DCAF8L2: variants seen among roughly 807,000 people sequenced by gnomAD.
DCAF8L2 encodes the protein DDB1- and CUL4-associated factor 8-like protein 2.
For synonymous variants in DCAF8L2, 200 were observed against 190.9 expected (o/e 1.05, Z -0.39); for missense variants, 430 against 490.7 (o/e 0.88, Z 1.17).
chrX:27,495,959 A>G, the DCAF8L2 span, among the ~76,000 whole-genome samples: 1 of 111,469 alleles, frequency 9.0e-6, no homozygotes, highest in Admixed American at 9.6e-5. Flanking sequence ...TCATTTGCAT[A>G]ATAGCTTTTC....
rs143637573 is a variant in DCAF8L2 at position 27,651,831 on chromosome X, A to G, written c.-220+19831A>G. On this transcript the variant is annotated intron_variant, in intron 2 of 4. Coordinates refer to ENST00000451261, the MANE Select transcript of DCAF8L2 (RefSeq NM_001353450.2). ...GGCAGATAATCTTATGATCTATATT[A>G]ATACGATCTTCTAGTATAACTTGCT... Among the ~76,000 whole-genome samples the G allele has an allele frequency of 1.5e-3, 161 of 110,824 alleles. 1 individual carries two copies. The highest frequency in any genetic ancestry group is 2.4e-3 in the Non-Finnish European group (129 of 52,982).
chrX:27,651,702 G>A lies in DCAF8L2; in HGVS notation c.-220+19702G>A, dbSNP rs973798809. Among the ~76,000 whole-genome samples the A allele has an allele frequency of 1.3e-4, 14 of 108,744 alleles. No individual in the cohort carries two copies. The East Asian group carries it at 3.2e-3, about 25-fold the overall frequency. The allele number at this position is 108,744 out of a possible 115,157, so 94.4% of individuals were successfully genotyped here. A position where few individuals can be genotyped will look rare whatever the true frequency, so the allele number is the denominator to read the frequency against. On this transcript the variant is annotated intron_variant, in intron 2 of 4. Coordinates refer to ENST00000451261, the MANE Select transcript of DCAF8L2 (RefSeq NM_001353450.2). ...ATTTTTTGTATTTTTAGTAGAGACG[G>A]GGTTTCACCGTGTTAGCCAAGATGG...
intron 3 of DCAF8L2, among the ~76,000 whole-genome samples, chrX:27,714,087 GT>G (rs1431567792): frequency 9.0e-6 from 1 of 111,397 alleles, no homozygotes; most frequent in African/African-American, 3.3e-5. Context: ...GTTAGGAAAT[GT>G]TAAATCATCC....
At chrX:27,554,727 T>A in the DCAF8L2 span, among the ~76,000 whole-genome samples, 14 of 111,650 alleles carry the variant, frequency 1.3e-4, no homozygotes, top group African/African-American at 4.2e-4. Flanking sequence ...AGGGAGCATC[T>A]GACTTTTAGT....
At chrX:27,473,946 A>G in the DCAF8L2 span, among the ~76,000 whole-genome samples, 1 of 111,031 alleles carries the variant, frequency 9.0e-6, no homozygotes, top group Admixed American at 9.6e-5. Context: ...TTTATTAAGA[A>G]TAAGTAGCAA....
At chrX:27,511,578 T>C in the DCAF8L2 span, among the ~76,000 whole-genome samples, 2 of 112,484 alleles carry the variant, frequency 1.8e-5, no homozygotes, top group African/African-American at 6.4e-5. Context: ...AAACTATTTC[T>C]AAACATAAAC....
chrX:27,655,380 A>G (rs1352239006), intron 2 of DCAF8L2, among the ~76,000 whole-genome samples: 4 of 112,023 alleles, frequency 3.6e-5, no homozygotes, highest in Non-Finnish European at 7.5e-5. Context: ...ATTGGTTCCA[A>G]TTATTTCTTC....
chrX:27,713,914 G>A (rs1420339131), intron 3 of DCAF8L2, among the ~76,000 whole-genome samples: 1 of 111,351 alleles, frequency 9.0e-6, no homozygotes, highest in Non-Finnish European at 1.9e-5. Flanking sequence ...CAAGCCTTGA[G>A]AGGATCCAAT....
chrX:27,538,122 T>A, the DCAF8L2 span, among the ~76,000 whole-genome samples: 21 of 111,607 alleles, frequency 1.9e-4, no homozygotes, highest in African/African-American at 6.8e-4. Context: ...AACATCACCC[T>A]GGAACAGTTT....
the DCAF8L2 span, among the ~76,000 whole-genome samples, chrX:27,499,507 G>T: frequency 6.3e-5 from 7 of 111,862 alleles, no homozygotes; most frequent in Non-Finnish European, 3.8e-5. Flanking sequence ...CTGCTATAAA[G>T]AACTACTTGA....
At chrX:27,482,822 C>T in the DCAF8L2 span, among the ~76,000 whole-genome samples, 1 of 111,558 alleles carries the variant, frequency 9.0e-6, no homozygotes, top group Non-Finnish European at 1.9e-5. Context: ...ATGTCAAAAG[C>T]AATATCTGTC....
chrX:27,552,974 C>A, the DCAF8L2 span, among the ~76,000 whole-genome samples: 3 of 111,509 alleles, frequency 2.7e-5, no homozygotes, highest in Non-Finnish European at 3.8e-5. Context: ...AGAAATCTTT[C>A]AATTCTTTGG....
chrX:27,678,493 C>T (rs1424024215), intron 3 of DCAF8L2, among the ~76,000 whole-genome samples: 1 of 112,042 alleles, frequency 8.9e-6, no homozygotes, highest in Non-Finnish European at 1.9e-5. Flanking sequence ...CGAATATTAT[C>T]CATCCTTAAA....
chrX:27,741,649 A>G (rs1411168661), intron 4 of DCAF8L2, among the ~76,000 whole-genome samples: 1 of 111,688 alleles, frequency 9.0e-6, no homozygotes, highest in East Asian at 2.8e-4. Flanking sequence ...CACCTCGCTG[A>G]TTTCAGAGGT....
the DCAF8L2 span, among the ~76,000 whole-genome samples, chrX:27,576,360 A>G: frequency 9.0e-6 from 1 of 111,708 alleles, no homozygotes; most frequent in African/African-American, 3.3e-5. Flanking sequence ...AACCATTTGG[A>G]CCTATCTTCA....
chrX:27,566,040 G>A, the DCAF8L2 span, among the ~76,000 whole-genome samples: 1 of 110,496 alleles, frequency 9.1e-6, no homozygotes, highest in African/African-American at 3.3e-5. Context: ...TTAGGAGATG[G>A]AATTTTCTAT....
upstream of DCAF8L2, among the ~76,000 whole-genome samples, chrX:27,588,333 A>G (rs910503064): frequency 6.3e-5 from 7 of 110,598 alleles, no homozygotes; most frequent in Admixed American, 2.9e-4. Context: ...CACGATTTCT[A>G]TCTTTTTTGT....
At chrX:27,662,777 A>G (rs1355325659) in intron 2 of DCAF8L2, among the ~76,000 whole-genome samples, 4 of 111,819 alleles carry the variant, frequency 3.6e-5, no homozygotes, top group Admixed American at 2.9e-4. Context: ...ATGTAAATTT[A>G]TAATCCAGAT....
chrX:27,554,158 G>A, the DCAF8L2 span, among the ~76,000 whole-genome samples: 5 of 111,308 alleles, frequency 4.5e-5, no homozygotes, highest in Admixed American at 1.9e-4. Flanking sequence ...TTTACTCTCC[G>A]GCGCCTCACA....
Sources: gnomAD v4.1 joint callset for allele counts (sites outside exome capture counted in the v4.1 genomes callset) on GRCh38, gnomAD v4.1.1 for gene constraint, MANE v1.5 for transcripts, NCBI Gene and HGNC (gene_info 2026-07-23, HGNC 2026-07-21) for gene names.